Variants in TRPM3 observed in about 807,000 individuals in gnomAD.
The protein encoded by TRPM3 is transient receptor potential cation channel subfamily M member 3.
In TRPM3, 77 loss-of-function variants were observed where a neutral mutation model predicts 181.2. The observed-to-expected ratio is 0.42, with a 90% CI of 0.35 to 0.51. The LOEUF (loss-of-function observed/expected upper bound fraction) is 0.51, where lower values mean the gene tolerates loss of function less well. Among genes scored for constraint, TRPM3 ranks in the 20% least tolerant of loss-of-function variants. The pLI is 0.01. For synonymous variants in TRPM3, 745 were observed against 796.4 expected, an observed-to-expected ratio of 0.94 and a Z score of 1.09; for missense variants, 1,759 against 2,196.7, an observed-to-expected ratio of 0.80 and a Z score of 3.98.
At chr9:70,700,632 C>T (rs547182077) in intron 8 of TRPM3, among the ~76,000 whole-genome samples, 19 of 152,298 alleles carry the variant, frequency 1.2e-4, no homozygotes, top group African/African-American at 4.1e-4. Flanking sequence ...AACTTATAGG[C>T]TGTCAACAGC....
intron 6 of TRPM3, among the ~76,000 whole-genome samples, chr9:70,818,970 C>T (rs1401859380): frequency 6.6e-6 from 1 of 152,222 alleles, no homozygotes; most frequent in Non-Finnish European, 1.5e-5. Flanking sequence ...TATTTTGAAT[C>T]TCACTGCCAT....
chr9:71,082,627 T>C (rs2064551718), intron 1 of TRPM3, among the ~76,000 whole-genome samples: 1 of 152,198 alleles, frequency 6.6e-6, no homozygotes, highest in Non-Finnish European at 1.5e-5. Context: ...CTCCATAAGA[T>C]GCATTCTATT....
chr9:70,821,974 T>C (rs181178866), intron 6 of TRPM3, among the ~76,000 whole-genome samples: 5 of 152,362 alleles, frequency 3.3e-5, no homozygotes, highest in African/African-American at 9.6e-5. Flanking sequence ...ATTTTCCTAG[T>C]CTGTTCATTC....
intron 1 of TRPM3, among the ~76,000 whole-genome samples, chr9:71,259,678 C>A (rs1588167946): frequency 1.3e-5 from 2 of 151,992 alleles, no homozygotes; most frequent in African/African-American, 4.8e-5. Flanking sequence ...GTTTGTTGGC[C>A]ACATAAATGT....
At chr9:71,324,873 A>T (rs1165418407) in intron 1 of TRPM3, among the ~76,000 whole-genome samples, 2 of 152,152 alleles carry the variant, frequency 1.3e-5, no homozygotes, top group African/African-American at 2.4e-5. Context: ...CAGTTCTCAC[A>T]TGTGTAAGCT....
At chr9:70,645,404 A>T (rs946440149) in intron 9 of TRPM3, among the ~76,000 whole-genome samples, 20 of 152,284 alleles carry the variant, frequency 1.3e-4, no homozygotes, top group African/African-American at 4.8e-4. Flanking sequence ...AAATAGTGCC[A>T]CACATCTACA....
chr9:70,888,306 T>C (rs754971407), intron 1 of TRPM3, among the ~76,000 whole-genome samples: 5 of 152,012 alleles, frequency 3.3e-5, no homozygotes, highest in Non-Finnish European at 5.9e-5. Context: ...CACATTTTAA[T>C]TTCTTGTTGG....
At chr9:70,888,894 T>G (rs546922289) in intron 1 of TRPM3, among the ~76,000 whole-genome samples, 1 of 152,288 alleles carries the variant, frequency 6.6e-6, no homozygotes, top group South Asian at 2.1e-4. Context: ...TCTCAAGTAT[T>G]CTTCTAAAAT....
chr9:71,103,265 T>C (rs2134085386), intron 1 of TRPM3, among the ~76,000 whole-genome samples: 1 of 152,270 alleles, frequency 6.6e-6, no homozygotes, highest in South Asian at 2.1e-4. Context: ...CCTATTATGC[T>C]TTCTTATTGA....
At chr9:71,055,986 G>A (rs532210949) in intron 1 of TRPM3, among the ~76,000 whole-genome samples, 2 of 152,008 alleles carry the variant, frequency 1.3e-5, no homozygotes, top group African/African-American at 4.8e-5. Flanking sequence ...ATCAGGCCGT[G>A]TATAAAGTAT....
chr9:70,962,851 G>A (rs541962829), intron 1 of TRPM3, among the ~76,000 whole-genome samples: 2 of 152,100 alleles, frequency 1.3e-5, no homozygotes, highest in Non-Finnish European at 2.9e-5. Flanking sequence ...ATCACCGGGG[G>A]GACAAGGGGA....
chr9:70,610,699 C>CTCT lies in TRPM3; in HGVS notation c.2574_2576dup (p.Glu860dup). 6.2e-7 allele frequency: 1 copy of CTCT among 1,614,182 alleles called. No individual in the cohort carries two copies. Among genetic ancestry groups the CTCT allele is most frequent in the Non-Finnish European group, 8.5e-7 (1 of 1,180,020 alleles). On this transcript the variant is annotated inframe_insertion, in exon 19 of 26. Transcript: ENST00000677713. ...TTAACCGGTGCTTGCTCTGAACTTCCTCTTCATCCTTCTTCCTGGAGGACT... is the reference window on the plus strand; with the variant it reads ...TTAACCGGTGCTTGCTCTGAACTTCCTCTTCTTCATCCTTCTTCCTGGAGGACT...
chr9:70,843,883 C>T (rs2132028369), intron 4 of TRPM3, among the ~76,000 whole-genome samples: 1 of 152,282 alleles, frequency 6.6e-6, no homozygotes, highest in East Asian at 1.9e-4. Flanking sequence ...GATATATCCT[C>T]TACGAAAAGA....
chr9:71,065,686 T>C (rs2061831699), intron 1 of TRPM3, among the ~76,000 whole-genome samples: 1 of 152,202 alleles, frequency 6.6e-6, no homozygotes. Context: ...GCAATCCTGG[T>C]AACCAGGAGA....
At chr9:71,160,916 C>A (rs1176255434) in intron 1 of TRPM3, among the ~76,000 whole-genome samples, 2 of 152,108 alleles carry the variant, frequency 1.3e-5, no homozygotes, top group Admixed American at 6.6e-5. Context: ...TAGACCTAAG[C>A]AAGCCTTATA....
chr9:71,187,925 AGATAGATAGATAGATAGATAGATAGATC>A (rs201855777), intron 1 of TRPM3, among the ~76,000 whole-genome samples: 24,740 of 145,254 alleles, frequency 0.17, 2,295 homozygotes, highest in East Asian at 0.28. Flanking sequence ...ATAGATAGAT[AGATAGATAGATAGATAGATAGATAGATC>A]ATCGCATTTT....
At chr9:70,941,696 A>G (rs1564811121) in intron 1 of TRPM3, among the ~76,000 whole-genome samples, 2 of 152,194 alleles carry the variant, frequency 1.3e-5, no homozygotes, top group Non-Finnish European at 2.9e-5. Context: ...GGCAAGAGGC[A>G]TTTTACTAGA....
intron 1 of TRPM3, among the ~76,000 whole-genome samples, chr9:71,414,518 G>C (rs777231811): frequency 1.3e-5 from 2 of 152,020 alleles, no homozygotes; most frequent in Non-Finnish European, 2.9e-5. Context: ...GATCTATTCT[G>C]CCAGATGGCC....
At chr9:70,900,528 C>T (rs748199413) in intron 1 of TRPM3, among the ~76,000 whole-genome samples, 15 of 152,092 alleles carry the variant, frequency 9.9e-5, no homozygotes, top group Admixed American at 2.6e-4. Flanking sequence ...TAATTAAATG[C>T]TTTCTTTCCA....
Sources: allele counts gnomAD v4.1 joint callset (sites outside exome capture counted in the v4.1 genomes callset), GRCh38; gene constraint gnomAD v4.1.1; transcripts MANE v1.5; gene names NCBI Gene and HGNC (gene_info 2026-07-23, HGNC 2026-07-21).